TRAK1: variants seen among roughly 807,000 people sequenced by gnomAD.
TRAK1 encodes the protein trafficking kinesin protein 1, also known as trafficking kinesin-binding protein 1.
Under a neutral mutation model 92.1 loss-of-function variants are expected in TRAK1, and 33 were observed. That is an observed-to-expected ratio of 0.36 (90% CI 0.27 to 0.48). TRAK1 has a LOEUF of 0.48. Ranked by LOEUF, TRAK1 falls within the 20% of genes least tolerant of loss-of-function variation. TRAK1 has a pLI of 0.99. For synonymous variants in TRAK1, 521 were observed against 517.3 expected, an observed-to-expected ratio of 1.01 and a Z score of -0.10; for missense variants, 1,123 against 1,257.9, an observed-to-expected ratio of 0.89 and a Z score of 1.62.
At chr3:42,207,449 G>T (rs1708462465) in intron 13 of TRAK1, among the ~76,000 whole-genome samples, 1 of 152,128 alleles carries the variant, frequency 6.6e-6, no homozygotes. Context: ...TGATGGGTGG[G>T]CAGTGAACCC....
intron 1 of TRAK1, among the ~76,000 whole-genome samples, chr3:42,060,690 C>T (rs1167159288): frequency 2.8e-5 from 4 of 140,492 alleles, no homozygotes; most frequent in Non-Finnish European, 6.0e-5. Flanking sequence ...TGCAGTGGTG[C>T]GATCTCTACG....
At chr3:42,218,177 A>G in intron 14 of TRAK1, 3 of 985,316 alleles carry the variant, frequency 3.0e-6, no homozygotes, top group Non-Finnish European at 3.6e-6. Context: ...CTGTGTCTCC[A>G]GCATTTATTT....
intron 3 of TRAK1, among the ~76,000 whole-genome samples, chr3:42,178,431 T>A (rs928655161): frequency 6.6e-6 from 1 of 152,110 alleles, no homozygotes; most frequent in Non-Finnish European, 1.5e-5. Context: ...CTTGGCCTTC[T>A]ATGGCATTTA....
At position 42,202,550 on chromosome 3, in the gene TRAK1, G is replaced by T. The variant is rs775219784; in HGVS notation, c.1542G>T (p.Arg514Ser). 6 of 1,575,502 alleles carry T rather than the reference G, an allele frequency of 3.8e-6. No homozygotes were observed. The highest frequency in any genetic ancestry group is 2.3e-5 in the East Asian group (1 of 43,634). Residue 514 changes from arginine to serine, a missense_variant, in exon 13 of 16, where the codon AGG (arginine) becomes AGT (serine). Arg to Ser is a moderately radical substitution (Grantham distance 110). Around this residue, in one of 3 missense-constraint regions of TRAK1, gnomAD observed 686 missense variants for 747.6 expected, o/e 0.92. Coordinates refer to ENST00000327628, the MANE Select transcript of TRAK1 (RefSeq NM_001042646.3). The surrounding 1 kb of genome is among the most constrained non-coding windows in gnomAD (Gnocchi z 6.1). ...LRRENYLSERRFFEEEQERKL... is the reference protein window; with the variant it reads ...LRRENYLSERSFFEEEQERKL... ...GGGAGAACTACCTCTCGGAGAGGAG[G>T]TTCTTTGAGGAGGAGCAAGAGAGGA...
chr3:42,139,361 A>G (rs890763731), intron 2 of TRAK1, among the ~76,000 whole-genome samples: 3 of 152,146 alleles, frequency 2.0e-5, no homozygotes, highest in African/African-American at 4.8e-5. Context: ...CAAAGGTAGA[A>G]GCAGAGACAC....
At chr3:42,213,095 G>A (rs987780273) in intron 14 of TRAK1, among the ~76,000 whole-genome samples, 1 of 123,952 alleles carries the variant, frequency 8.1e-6, no homozygotes, top group Admixed American at 1.1e-4. Context: ...GTCTTGCTCT[G>A]TTGCCTAGGC....
intron 2 of TRAK1, among the ~76,000 whole-genome samples, chr3:42,154,794 C>T (rs1407528892): frequency 1.3e-5 from 2 of 152,100 alleles, no homozygotes; most frequent in East Asian, 3.9e-4. Flanking sequence ...TCGTGCCAAC[C>T]CTGCTCTCTA....
chr3:42,210,446 A>C, intron 14 of TRAK1: 1 of 1,273,082 alleles, frequency 7.9e-7, no homozygotes, highest in Non-Finnish European at 9.9e-7. Flanking sequence ...GGGTCCCTGA[A>C]AACATCAGTG....
At chr3:42,138,893 G>GTGTGTT (rs1698313987) in intron 2 of TRAK1, among the ~76,000 whole-genome samples, 1 of 149,390 alleles carries the variant, frequency 6.7e-6, no homozygotes, top group Non-Finnish European at 1.5e-5. Context: ...GTGTGTGTGT[G>GTGTGTT]TGTGTGTGTG....
At chr3:42,054,904 ATT>A (rs1157067369) in intron 1 of TRAK1, among the ~76,000 whole-genome samples, 14 of 37,092 alleles carry the variant, frequency 3.8e-4, no homozygotes, top group East Asian at 1.1e-3. Context: ...AGCAAACTAG[ATT>A]TTTTTTTTTT....
At chr3:42,121,511 G>A (rs1576464618) in intron 1 of TRAK1, among the ~76,000 whole-genome samples, 1 of 151,810 alleles carries the variant, frequency 6.6e-6, no homozygotes, top group East Asian at 1.9e-4. Context: ...CGCCCGCCTT[G>A]GCCTCCCAAA....
chr3:42,013,758 C>T (rs1213865068), upstream of TRAK1: 6 of 148,664 alleles, frequency 4.0e-5, no homozygotes, highest in Non-Finnish European at 7.5e-5. The surrounding 1 kb of genome is among the most constrained non-coding windows in gnomAD (Gnocchi z 5.1). Context: ...CCCCCGCGCG[C>T]CCCGAGCCCT....
intron 2 of TRAK1, among the ~76,000 whole-genome samples, chr3:42,169,011 A>G (rs1346011253): frequency 6.6e-6 from 1 of 152,134 alleles, no homozygotes; most frequent in Non-Finnish European, 1.5e-5. Context: ...TTTAGTAGAG[A>G]TGAGGTTTCA....
At chr3:42,049,063 G>A (rs1702876311) in intron 1 of TRAK1, among the ~76,000 whole-genome samples, 1 of 149,584 alleles carries the variant, frequency 6.7e-6, no homozygotes, top group African/African-American at 2.5e-5. Context: ...ATTTTTTGGG[G>A]TTTTTAGTAG....
chr3:42,188,105 G>C lies in TRAK1; in HGVS notation c.541G>C (p.Ala181Pro). The change falls in exon 5 of 16, where the codon GCT becomes CCT. Residue 181 changes from alanine (A) to proline (P), a missense_variant. Transcript: ENST00000327628. Reference sequence around the variant, plus strand: ...TGAGCTGCTTCAGTTCTACACCAGCGCTGCGGAGGAGAGTGAGCCCGAGTC... The same window carrying C: ...TGAGCTGCTTCAGTTCTACACCAGCCCTGCGGAGGAGAGTGAGCCCGAGTC... ...KDELLQFYTS[A>P]AEESEPESVC... 1 of 1,614,144 alleles carries C rather than the reference G, an allele frequency of 6.2e-7. No individual in the cohort carries two copies. The highest frequency in any genetic ancestry group is 8.5e-7 in the Non-Finnish European group (1 of 1,180,042).
chr3:42,023,933 T>G (rs929755669), intron 1 of TRAK1, among the ~76,000 whole-genome samples: 2 of 151,828 alleles, frequency 1.3e-5, no homozygotes, highest in African/African-American at 4.8e-5. Flanking sequence ...TTTTATATTT[T>G]TAGTAGGGAT....
At chr3:42,128,025 A>G (rs1488761362) in intron 2 of TRAK1, among the ~76,000 whole-genome samples, 2 of 152,150 alleles carry the variant, frequency 1.3e-5, no homozygotes, top group Non-Finnish European at 2.9e-5. Flanking sequence ...CTAAAAATAT[A>G]AAAATTAGCC....
At chr3:42,026,253 T>C (rs1701910621) in intron 1 of TRAK1, among the ~76,000 whole-genome samples, 1 of 152,130 alleles carries the variant, frequency 6.6e-6, no homozygotes, top group Non-Finnish European at 1.5e-5. Context: ...TCATAGAAAG[T>C]ATAAGAAATG....
intron 14 of TRAK1, among the ~76,000 whole-genome samples, chr3:42,216,403 C>A (rs1452574773): frequency 6.6e-6 from 1 of 152,148 alleles, no homozygotes; most frequent in Non-Finnish European, 1.5e-5. Flanking sequence ...CACTCAGTGC[C>A]ACTTACCAAG....
Sources: allele counts gnomAD v4.1 joint callset (sites outside exome capture counted in the v4.1 genomes callset), GRCh38; gene constraint gnomAD v4.1.1; regional missense constraint gnomAD v4.1.1; non-coding constraint Gnocchi (gnomAD v3.1); transcripts MANE v1.5; gene names NCBI Gene and HGNC (gene_info 2026-07-23, HGNC 2026-07-21).